The following WDFY2 variants were observed in gnomAD, a reference collection of about 807,000 sequenced individuals.
WDFY2 encodes the protein WD repeat and FYVE domain-containing protein 2.
In WDFY2, 36 loss-of-function variants were observed where a neutral mutation model predicts 56.4. The observed-to-expected ratio is 0.64, with a 90% CI of 0.49 to 0.84. WDFY2 has a LOEUF of 0.84. WDFY2 is among the 40% of genes least tolerant of loss of function. The pLI is 0.00. For missense variants in WDFY2, 444 were observed against 512.2 expected, an observed-to-expected ratio of 0.87 and a Z score of 1.29; for synonymous variants, 176 against 183.7, an observed-to-expected ratio of 0.96 and a Z score of 0.34.
At chr13:51,701,537 AAAGT>A (rs1308730457) in intron 3 of WDFY2, among the ~76,000 whole-genome samples, 1 of 151,632 alleles carries the variant, frequency 6.6e-6, no homozygotes, top group Non-Finnish European at 1.5e-5. Flanking sequence ...AAAAAAAAAA[AAAGT>A]AATAACAAAA....
intron 1 of WDFY2, among the ~76,000 whole-genome samples, chr13:51,645,789 C>A (rs1435727323): frequency 1.3e-5 from 2 of 152,130 alleles, no homozygotes; most frequent in Non-Finnish European, 2.9e-5. Context: ...TGTTGGCCTT[C>A]TTTTCTTATT....
chr13:51,584,862 G>C (rs1953905721), intron 1 of WDFY2, 38 bp downstream of exon 1: 1 of 1,608,320 alleles, frequency 6.2e-7, no homozygotes, highest in Non-Finnish European at 8.5e-7. Context: ...GGAGGGGCGG[G>C]ACGGGCCGAC....
intron 2 of WDFY2, among the ~76,000 whole-genome samples, chr13:51,669,084 C>T (rs1385028345): frequency 1.3e-5 from 2 of 152,122 alleles, no homozygotes; most frequent in African/African-American, 2.4e-5. Context: ...TAGTCACTTT[C>T]CCTCTAATCC....
In WDFY2 at chr13:51,750,411, C is replaced by T. The variant is rs77078808; in HGVS notation, c.726-899C>T. 1.8e-4 allele frequency among the ~76,000 whole-genome samples: 28 copies of T among 152,156 alleles called. No homozygotes were observed. The East Asian group carries it at 4.2e-3, about 23-fold the overall frequency. ...CAGCTTAATAGCTTTAGTTTTTCAA[C>T]TTCAGCCACAGATCAAGAATAAATA... On this transcript the variant is annotated intron_variant, in intron 7 of 11. Coordinates refer to ENST00000298125, the MANE Select transcript of WDFY2 (RefSeq NM_052950.4).
chr13:51,704,827 G>T (rs1952051139), intron 4 of WDFY2, among the ~76,000 whole-genome samples: 1 of 151,918 alleles, frequency 6.6e-6, no homozygotes. Flanking sequence ...AATTGGCTTG[G>T]TCACATATTT....
chr13:51,616,671 A>C (rs1954621288), intron 1 of WDFY2, among the ~76,000 whole-genome samples: 1 of 152,226 alleles, frequency 6.6e-6, no homozygotes, highest in Admixed American at 6.5e-5. Context: ...CAGAAGTGAC[A>C]CACGTTTCTT....
chr13:51,737,086 C>T (rs1449755833), intron 6 of WDFY2, among the ~76,000 whole-genome samples: 1 of 152,074 alleles, frequency 6.6e-6, no homozygotes, highest in Non-Finnish European at 1.5e-5. Flanking sequence ...TATCTAGCCC[C>T]CCAGTTGGAG....
At chr13:51,650,982 A>T (rs1316237408) in intron 1 of WDFY2, among the ~76,000 whole-genome samples, 2 of 152,198 alleles carry the variant, frequency 1.3e-5, no homozygotes, top group African/African-American at 4.8e-5. Context: ...TAGTTTCAGA[A>T]GGAATGGCAC....
intron 1 of WDFY2, 106 bp downstream of exon 1, chr13:51,584,930 TCCC>T: frequency 6.9e-7 from 1 of 1,458,854 alleles, no homozygotes; most frequent in Non-Finnish European, 9.2e-7. Context: ...GTAGACTTGC[TCCC>T]CCAAGTTTTA....
intron 4 of WDFY2, among the ~76,000 whole-genome samples, chr13:51,705,577 T>TTTTTTAA (rs1355705401): frequency 1.3e-5 from 2 of 152,024 alleles, no homozygotes. Context: ...CTTTGTTTTT[T>TTTTTTAA]TTTTTAATTT....
intron 1 of WDFY2, among the ~76,000 whole-genome samples, chr13:51,613,503 T>G (rs1387642238): frequency 6.6e-6 from 1 of 152,226 alleles, no homozygotes; most frequent in Non-Finnish European, 1.5e-5. Context: ...CCTTATCTAG[T>G]GAAATACTTT....
intron 4 of WDFY2, among the ~76,000 whole-genome samples, chr13:51,709,612 G>A (rs934974335): frequency 5.3e-5 from 8 of 152,172 alleles, no homozygotes; most frequent in Admixed American, 3.3e-4. Flanking sequence ...TATCACCACC[G>A]ATCCCACAGA....
At chr13:51,722,282 C>T (rs1039750661) in intron 5 of WDFY2, among the ~76,000 whole-genome samples, 1 of 152,086 alleles carries the variant, frequency 6.6e-6, no homozygotes, top group African/African-American at 2.4e-5. Context: ...TATTCCTCTT[C>T]TTTCAGGCGT....
chr13:51,633,170 T>TCC (rs1954985713), intron 1 of WDFY2, among the ~76,000 whole-genome samples: 1 of 152,166 alleles, frequency 6.6e-6, no homozygotes, highest in Non-Finnish European at 1.5e-5. Context: ...GGCCTAGGCA[T>TCC]CCAGGCAGAA....
chr13:51,695,757 CTT>C (rs1033240054), intron 3 of WDFY2, among the ~76,000 whole-genome samples: 1 of 152,210 alleles, frequency 6.6e-6, no homozygotes, highest in African/African-American at 2.4e-5. Flanking sequence ...TTACTGCTGT[CTT>C]TTTGTTTGTC....
intron 4 of WDFY2, among the ~76,000 whole-genome samples, chr13:51,717,956 T>G (rs770340536): frequency 6.6e-5 from 10 of 152,184 alleles, no homozygotes; most frequent in Non-Finnish European, 1.2e-4. Flanking sequence ...TTGCTAAGGT[T>G]GTATTTGTTG....
At chr13:51,740,979 T>C (rs887012668) in intron 7 of WDFY2, among the ~76,000 whole-genome samples, 2 of 152,250 alleles carry the variant, frequency 1.3e-5, no homozygotes, top group African/African-American at 4.8e-5. Flanking sequence ...AGCATCACTG[T>C]GTGCAAAGGG....
At position 51,751,335 on chromosome 13, in the gene WDFY2, G is replaced by A. The variant is rs759865621; in HGVS notation, c.751G>A (p.Ala251Thr). 6.2e-7 allele frequency: 1 copy of A among 1,613,936 alleles called. No homozygotes were observed. The change falls in exon 8 of 12, where the codon GCA becomes ACA. Residue 251 changes from alanine to threonine, a missense_variant. Coordinates refer to ENST00000298125, the MANE Select transcript of WDFY2 (RefSeq NM_052950.4). ...HNDRVQALSY[A>T]QHTRQLISCG... ...CGACAGAGTCCAGGCCCTCTCCTAT[G>A]CACAGCACACGCGACAATTGATCTC... is the stretch of plus-strand genomic sequence containing the variant.
At chr13:51,721,055 C>A (rs1327104669) in intron 5 of WDFY2, among the ~76,000 whole-genome samples, 1 of 152,112 alleles carries the variant, frequency 6.6e-6, no homozygotes, top group Admixed American at 6.6e-5. Flanking sequence ...ATGATTATTA[C>A]ACAGTGTGTA....
Sources: allele counts gnomAD v4.1 joint callset (sites outside exome capture counted in the v4.1 genomes callset), GRCh38; gene constraint gnomAD v4.1.1; transcripts MANE v1.5; gene names NCBI Gene and HGNC (gene_info 2026-07-23, HGNC 2026-07-21).